FRK: variants seen among roughly 807,000 people sequenced by gnomAD.
FRK encodes the protein tyrosine-protein kinase FRK.
FRK carries 51 observed loss-of-function variants against 56.4 expected under a neutral mutation model. That is an observed-to-expected ratio of 0.90 (90% CI 0.72 to 1.14). The LOEUF (loss-of-function observed/expected upper bound fraction) is 1.14. Among genes scored for constraint, FRK ranks in the 50% most tolerant of loss-of-function variants. FRK has a pLI of 0.00. For missense variants in FRK, 570 were observed against 601.4 expected (o/e 0.95, Z 0.55); for synonymous variants, 245 against 217.9 (o/e 1.12, Z -1.10).
intron 1 of FRK, chr6:116,038,909 C>G: frequency 1.6e-6 from 1 of 611,248 alleles, no homozygotes; most frequent in South Asian, 1.4e-5. Context: ...CGACTTTGCC[C>G]CAGAAGCTAG....
chr6:116,014,433 T>C (rs906092304), intron 1 of FRK, among the ~76,000 whole-genome samples: 1 of 151,918 alleles, frequency 6.6e-6, no homozygotes, highest in Non-Finnish European at 1.5e-5. Flanking sequence ...TAAAAAAATA[T>C]ACTTTGAAAG....
Position 115,940,069 on chromosome 6 carries a change from A to G in FRK, c.*2345T>C, listed in dbSNP as rs1383504272. 6.6e-6 allele frequency: 1 copy of G among 152,232 alleles called. No individual in the cohort carries two copies. The highest frequency in any genetic ancestry group is 1.5e-5 in the Non-Finnish European group (1 of 68,048). 9.4% of individuals were successfully genotyped at this position (152,232 alleles called of 1,614,324 possible). On this transcript the variant is annotated 3_prime_UTR_variant, in exon 8 of 8. Transcript: ENST00000606080. ...AAAGTTATAGGCATCATGCTACCTG[A>G]CTTCAAACTATACTACAAGGCTACA... is the stretch of plus-strand genomic sequence containing the variant.
Position 115,942,656 on chromosome 6 carries a change from C to CA in FRK, c.1307-32dup, listed in dbSNP as rs549712773. The CA allele has an allele frequency of 1.7e-4, 258 of 1,543,840 alleles. 1 individual carries two copies. Among genetic ancestry groups the CA allele is most frequent in the Admixed American group, 5.4e-4 (30 of 55,994 alleles). On this transcript the variant is annotated intron_variant, in intron 7 of 7. Transcript: ENST00000606080. ...AAATACAGAACGAAACCAACAACAA[C>CA]AAAAAAAACAAGTTAAAGGTCAGAG...
chr6:116,078,016 A>G, the FRK span, among the ~76,000 whole-genome samples: 2 of 152,132 alleles, frequency 1.3e-5, no homozygotes, highest in African/African-American at 4.8e-5. Context: ...AAAAATTAGC[A>G]GGGCATGGTA....
chr6:116,050,341 G>T (rs1230920504), intron 1 of FRK, among the ~76,000 whole-genome samples: 4 of 152,190 alleles, frequency 2.6e-5, no homozygotes, highest in African/African-American at 9.6e-5. Flanking sequence ...TAACCTGAGT[G>T]ACTGATGTTT....
chr6:115,995,919 T>C (rs571875872), intron 2 of FRK, among the ~76,000 whole-genome samples: 1 of 152,306 alleles, frequency 6.6e-6, no homozygotes, highest in Non-Finnish European at 1.5e-5. Flanking sequence ...ATTTGCAATT[T>C]AGCTGAACAA....
chr6:115,939,772 G>A lies in FRK; in HGVS notation c.*2642C>T, dbSNP rs1772122634. 6.6e-6 allele frequency: 1 copy of A among 152,094 alleles called. No homozygotes were observed. Among genetic ancestry groups the A allele is most frequent in the Non-Finnish European group, 1.5e-5 (1 of 68,040 alleles). The allele number at this position is 152,094 out of a possible 1,614,324, so 9.4% of individuals were successfully genotyped here. Reference sequence around the variant, plus strand: ...AAATATCTAGGATTACAACTTACAAGGGATGCAAAGGACCTCTTCAAGGAG... The same window carrying A: ...AAATATCTAGGATTACAACTTACAAAGGATGCAAAGGACCTCTTCAAGGAG... On this transcript the variant is annotated 3_prime_UTR_variant, in exon 8 of 8. Coordinates refer to ENST00000606080, the MANE Select transcript of FRK (RefSeq NM_002031.3).
At chr6:115,978,672 T>A (rs1774078636) in intron 2 of FRK, among the ~76,000 whole-genome samples, 1 of 152,180 alleles carries the variant, frequency 6.6e-6, no homozygotes, top group Non-Finnish European at 1.5e-5. Flanking sequence ...CATAAGATTA[T>A]AGTGGAGCTG....
At chr6:116,036,592 T>C (rs1776490254) in intron 1 of FRK, among the ~76,000 whole-genome samples, 1 of 152,144 alleles carries the variant, frequency 6.6e-6, no homozygotes, top group African/African-American at 2.4e-5. Flanking sequence ...CAAAATCCTT[T>C]ATATCATCCC....
intron 2 of FRK, among the ~76,000 whole-genome samples, chr6:115,977,683 G>A (rs954070229): frequency 1.3e-5 from 2 of 152,236 alleles, no homozygotes; most frequent in African/African-American, 4.8e-5. Context: ...AACAACTTTT[G>A]TAGGCAAAAA....
chr6:115,977,312 A>G (rs1774025187), intron 2 of FRK, among the ~76,000 whole-genome samples: 1 of 152,170 alleles, frequency 6.6e-6, no homozygotes, highest in South Asian at 2.1e-4. Flanking sequence ...TTAAAGTGCC[A>G]TCACGTAGAA....
Position 116,059,567 on chromosome 6 carries a change from A to T in FRK, c.344+401T>A, listed in dbSNP as rs1042147217. Among the ~76,000 whole-genome samples, 81 of 152,124 alleles carry T rather than the reference A, an allele frequency of 5.3e-4. 1 individual carries two copies. Among genetic ancestry groups the T allele is most frequent in the African/African-American group, 1.7e-3 (71 of 41,502 alleles). On this transcript the variant is annotated intron_variant, in intron 1 of 7. Transcript: ENST00000606080. Reference sequence around the variant, plus strand: ...CTGGAATGTTTCAAAAGTTTTTTTTAAAAAAAAGAATCTGAAGTTTAGATT... The same window carrying T: ...CTGGAATGTTTCAAAAGTTTTTTTTTAAAAAAAGAATCTGAAGTTTAGATT...
At chr6:116,066,406 T>G in the FRK span, among the ~76,000 whole-genome samples, 1 of 151,828 alleles carries the variant, frequency 6.6e-6, no homozygotes, top group Non-Finnish European at 1.5e-5. Flanking sequence ...AAGTTAATAC[T>G]TAATAAACTC....
intron 2 of FRK, among the ~76,000 whole-genome samples, chr6:115,972,659 T>C (rs1433113894): frequency 2.0e-4 from 31 of 152,228 alleles, no homozygotes; most frequent in Admixed American, 2.0e-3. Context: ...ACTGTGAGTA[T>C]GGAGATCTGA....
chr6:115,983,354 G>A (rs1026883667), intron 2 of FRK, among the ~76,000 whole-genome samples: 1 of 152,108 alleles, frequency 6.6e-6, no homozygotes, highest in Non-Finnish European at 1.5e-5. Context: ...CTTTTAGGCA[G>A]CTATCACAAG....
chr6:116,039,524 C>A, intron 1 of FRK: 3 of 1,297,962 alleles, frequency 2.3e-6, no homozygotes, highest in Non-Finnish European at 3.4e-6. Context: ...ACCCTTCCTG[C>A]CAAGCCAGGG....
intron 1 of FRK, among the ~76,000 whole-genome samples, chr6:116,048,617 C>T (rs1421809550): frequency 6.6e-6 from 1 of 152,088 alleles, no homozygotes; most frequent in Non-Finnish European, 1.5e-5. Flanking sequence ...AACTCCTGGG[C>T]TCAAGTGATC....
upstream of FRK, among the ~76,000 whole-genome samples, chr6:116,064,299 A>G (rs73772223): frequency 4.3e-3 from 648 of 152,228 alleles, 7 homozygotes; most frequent in African/African-American, 0.015. Flanking sequence ...AGAAACTTCT[A>G]CTTGGTTTGT....
intron 5 of FRK, among the ~76,000 whole-genome samples, chr6:115,951,821 C>T (rs1772765433): frequency 6.6e-6 from 1 of 152,140 alleles, no homozygotes; most frequent in Non-Finnish European, 1.5e-5. Flanking sequence ...AACATCAACA[C>T]ATACTTTTAA....
Sources: gnomAD v4.1 joint callset for allele counts (sites outside exome capture counted in the v4.1 genomes callset) on GRCh38, gnomAD v4.1.1 for gene constraint, MANE v1.5 for transcripts, NCBI Gene and HGNC (gene_info 2026-07-23, HGNC 2026-07-21) for gene names.